Variants in ANKRD36C observed in about 807,000 individuals in gnomAD.
ANKRD36C encodes ankyrin repeat domain 36C.
Under a neutral mutation model 276.4 loss-of-function variants are expected in ANKRD36C, and 61 were observed. That is an observed-to-expected ratio of 0.22 (90% confidence interval 0.18 to 0.27). The LOEUF is 0.27. Among genes scored for constraint, ANKRD36C ranks in the 10% least tolerant of loss-of-function variants. The pLI is 1.00. For missense variants in ANKRD36C, 1,447 were observed against 2,032.3 expected, an observed-to-expected ratio of 0.71 and a Z score of 5.54; for synonymous variants, 483 against 680.1, an observed-to-expected ratio of 0.71 and a Z score of 4.51.
intron 19 of ANKRD36C, 68 bp from the exon 20 acceptor site, chr2:95,941,267 A>G (rs1305146152): frequency 5.6e-5 from 76 of 1,366,098 alleles, no homozygotes; most frequent in Non-Finnish European, 6.9e-5. Flanking sequence ...TCAGTAATTC[A>G]AGAAACATTT....
At chr2:95,908,690 A>C (rs183934154) in intron 42 of ANKRD36C, 53,175 of 1,553,192 alleles carry the variant, frequency 0.034, 977 homozygotes, top group Middle Eastern at 0.04. Context: ...GTGGTTGCTC[A>C]GAAGACACTG....
At chr2:95,943,363 T>A (rs1308567287) in intron 19 of ANKRD36C, among the ~76,000 whole-genome samples, 1 of 150,686 alleles carries the variant, frequency 6.6e-6, no homozygotes, top group Non-Finnish European at 1.5e-5. Context: ...CGGGCGCCTA[T>A]AGTCCCAGCT....
intron 1 of ANKRD36C, among the ~76,000 whole-genome samples, chr2:95,988,933 C>T (rs1273921148): frequency 5.9e-5 from 9 of 152,022 alleles, no homozygotes; most frequent in East Asian, 5.8e-4. Context: ...TTTGGGAGGC[C>T]GAGGCGGGGG....
At chr2:95,891,573 A>C in intron 46 of ANKRD36C, 92 bp downstream of exon 66, 1 of 1,421,238 alleles carries the variant, frequency 7.0e-7, no homozygotes, top group Non-Finnish European at 9.5e-7. Flanking sequence ...CAGAATGTGC[A>C]GCTTCAACGA....
chr2:95,934,684 C>A (rs1414993188), intron 24 of ANKRD36C, among the ~76,000 whole-genome samples: 1 of 152,310 alleles, frequency 6.6e-6, no homozygotes, highest in Non-Finnish European at 1.5e-5. Flanking sequence ...CAGTAAACCA[C>A]CATGGCACAT....
chr2:95,861,565 C>T (rs1675583943), intron 60 of ANKRD36C, among the ~76,000 whole-genome samples: 3 of 150,954 alleles, frequency 2.0e-5, no homozygotes, highest in Admixed American at 6.7e-5. Flanking sequence ...AAATTATATA[C>T]TAAAAATCCT....
At chr2:95,918,076 T>G (rs1234611143) in intron 34 of ANKRD36C, 34 bp from the exon 37 acceptor site, 1 of 1,592,372 alleles carries the variant, frequency 6.3e-7, no homozygotes, top group Non-Finnish European at 8.5e-7. Context: ...ATCACTCATG[T>G]GTAAATATGA....
intron 58 of ANKRD36C, among the ~76,000 whole-genome samples, chr2:95,878,129 A>C (rs2104315379): frequency 6.7e-6 from 1 of 149,274 alleles, no homozygotes; most frequent in African/African-American, 2.5e-5. Flanking sequence ...GGTTGCAGTG[A>C]GCCGAGATTG....
At chr2:95,921,091 A>G (rs969191731) in intron 34 of ANKRD36C, among the ~76,000 whole-genome samples, 1 of 150,566 alleles carries the variant, frequency 6.6e-6, no homozygotes, top group African/African-American at 2.5e-5. Context: ...AGAAACCCCT[A>G]AATTATATAA....
intron 32 of ANKRD36C, among the ~76,000 whole-genome samples, chr2:95,922,823 AATAGT>A (rs1441919898): frequency 6.6e-6 from 1 of 151,696 alleles, no homozygotes; most frequent in African/African-American, 2.4e-5. Context: ...TCTTATGCCT[AATAGT>A]AGCAAAGAGA....
At chr2:95,868,286 CTT>C (rs528122129) in intron 59 of ANKRD36C, among the ~76,000 whole-genome samples, 17 of 134,324 alleles carry the variant, frequency 1.3e-4, no homozygotes, top group Admixed American at 2.2e-4. Flanking sequence ...ACACCATCAT[CTT>C]TTTTTTTTTT....
chr2:95,903,086 A>T lies in ANKRD36C; in HGVS notation c.2654-3750T>A. The T allele has an allele frequency of 6.4e-7, 1 of 1,564,458 alleles. No homozygotes were observed. Among genetic ancestry groups the T allele is most frequent in the African/African-American group, 1.4e-5 (1 of 73,144 alleles). On this transcript the variant is annotated intron_variant, in intron 42 of 66. Coordinates refer to ENST00000456556, the Ensembl canonical transcript of ANKRD36C. ...CTGGTGGTTGCTCTGAAGACACTGA[A>T]AAGTAAAAGGGATTCATAATCACTC... is the stretch of plus-strand genomic sequence containing the variant.
At chr2:95,880,443 T>C (rs1274834186) in exon 58 of ANKRD36C, 1 of 1,555,550 alleles carries the variant, frequency 6.4e-7, no homozygotes, top group South Asian at 1.2e-5. Flanking sequence ...TGGATGTTTG[T>C]ACATCTTTCA....
At position 95,897,122 on chromosome 2, in the gene ANKRD36C, T is replaced by A. The variant is rs1381571491; in HGVS notation, c.2755+2023A>T. The A allele has an allele frequency of 1.0e-5, 11 of 1,050,846 alleles. 1 individual carries two copies. The highest frequency in any genetic ancestry group is 1.2e-5 in the Non-Finnish European group (9 of 749,226). 65.1% of individuals were successfully genotyped at this position (1,050,846 alleles called of 1,614,324 possible). A position where few individuals can be genotyped will look rare whatever the true frequency, so the allele number is the denominator to read the frequency against. Reference sequence around the variant, plus strand: ...ACGTTCCAGACCAGCAGCATCATCATCACCCACAAACTTATTTGAAATGAA... The same window carrying A: ...ACGTTCCAGACCAGCAGCATCATCAACACCCACAAACTTATTTGAAATGAA... On this transcript the variant is annotated intron_variant, in intron 44 of 66. Coordinates refer to ENST00000456556, the Ensembl canonical transcript of ANKRD36C.
chr2:95,970,947 G>A (rs1271775136), intron 6 of ANKRD36C, among the ~76,000 whole-genome samples: 2 of 151,972 alleles, frequency 1.3e-5, no homozygotes, highest in Non-Finnish European at 2.9e-5. Flanking sequence ...CCATTATGTG[G>A]CAAATGTCTA....
chr2:95,849,594 C>T (rs1675243328), downstream of ANKRD36C, among the ~76,000 whole-genome samples: 1 of 152,154 alleles, frequency 6.6e-6, no homozygotes, highest in Admixed American at 6.5e-5. Context: ...CATTGTAATA[C>T]ATAATGAAAT....
At chr2:95,858,415 G>C (rs1439611453) in intron 61 of ANKRD36C, among the ~76,000 whole-genome samples, 1 of 152,084 alleles carries the variant, frequency 6.6e-6, no homozygotes, top group Non-Finnish European at 1.5e-5. Flanking sequence ...TGTATAAGTT[G>C]AAATGTATTG....
At chr2:95,953,347 C>G (rs192766668) in intron 14 of ANKRD36C, among the ~76,000 whole-genome samples, 39 of 139,776 alleles carry the variant, frequency 2.8e-4, no homozygotes, top group East Asian at 6.5e-4. Flanking sequence ...GGACTACAGG[C>G]ACATGATACC....
exon 63 of ANKRD36C, chr2:95,855,632 C>G (rs542122984): frequency 6.2e-7 from 1 of 1,611,046 alleles, no homozygotes; most frequent in African/African-American, 1.3e-5. Context: ...GTTCAAAAAC[C>G]AAAGCCTTTT....
Sources: allele counts gnomAD v4.1 joint callset (sites outside exome capture counted in the v4.1 genomes callset), GRCh38; gene constraint gnomAD v4.1.1; transcripts MANE v1.5; gene names NCBI Gene and HGNC (gene_info 2026-07-23, HGNC 2026-07-21).